PPP1R12B: variants seen among roughly 807,000 people sequenced by gnomAD.
PPP1R12B encodes the protein protein phosphatase 1 regulatory subunit 12B, also known as myosin phosphatase target subunit 2.
A neutral mutation model predicts 126.1 loss-of-function variants in PPP1R12B; 76 were observed. That is an observed-to-expected ratio of 0.60 (90% confidence interval 0.50 to 0.73). The LOEUF is 0.73. Among genes scored for constraint, PPP1R12B ranks in the 30% least tolerant of loss-of-function variants. The pLI is 0.00. For missense variants in PPP1R12B, 1,052 were observed against 1,205.1 expected (o/e 0.87, Z 1.88); for synonymous variants, 356 against 434.7 (o/e 0.82, Z 2.25).
chr1:202,557,265 T>G (rs1687049439), intron 18 of PPP1R12B, among the ~76,000 whole-genome samples: 1 of 152,166 alleles, frequency 6.6e-6, no homozygotes. Flanking sequence ...ATTACAGGTG[T>G]GAGCCACTGT....
At chr1:202,364,188 T>C (rs1002888092) in intron 1 of PPP1R12B, among the ~76,000 whole-genome samples, 2 of 152,158 alleles carry the variant, frequency 1.3e-5, no homozygotes, top group African/African-American at 4.8e-5. Context: ...TTCTTTTCTG[T>C]CTATGGAAAT....
chr1:202,463,946 A>T (rs1296770885), intron 13 of PPP1R12B, among the ~76,000 whole-genome samples: 1 of 152,144 alleles, frequency 6.6e-6, no homozygotes, highest in East Asian at 1.9e-4. Flanking sequence ...AGGTAGAAAG[A>T]TTAGGCCTAT....
chr1:202,437,235 G>A (rs1019374998), intron 9 of PPP1R12B, among the ~76,000 whole-genome samples: 37 of 152,096 alleles, frequency 2.4e-4, no homozygotes, highest in African/African-American at 8.0e-4. Flanking sequence ...GGTGGGCTGA[G>A]GGGGAGGATT....
rs917675049 is a variant in PPP1R12B, at chr1:202,454,847, C to T, written c.1850+5676C>T. On this transcript the variant is annotated intron_variant, in intron 13 of 23. Coordinates refer to ENST00000608999, the MANE Select transcript of PPP1R12B (RefSeq NM_002481.4). ...TGAGATGGGAAGAGCTCTTGAGCCC[C>T]GGAGTTTGAGGCTACCATGAACTAT... is the stretch of plus-strand genomic sequence containing the variant. Among the ~76,000 whole-genome samples, 45 of 152,054 alleles carry T rather than the reference C, an allele frequency of 3.0e-4. 1 individual carries two copies. The highest frequency in any genetic ancestry group is 2.1e-4 in the South Asian group (1 of 4,798).
intron 18 of PPP1R12B, among the ~76,000 whole-genome samples, chr1:202,524,883 T>A (rs1201833651): frequency 6.6e-6 from 1 of 152,276 alleles, no homozygotes; most frequent in East Asian, 1.9e-4. Context: ...TCCAATTTTA[T>A]TTTTTTATTT....
intron 13 of PPP1R12B, among the ~76,000 whole-genome samples, chr1:202,463,801 C>T (rs1207716225): frequency 1.3e-5 from 2 of 152,074 alleles, no homozygotes; most frequent in Non-Finnish European, 2.9e-5. Flanking sequence ...TCCTGCTGAT[C>T]GTTAGTCATT....
intron 18 of PPP1R12B, among the ~76,000 whole-genome samples, chr1:202,498,428 TCCAAGTG>T: frequency 6.6e-6 from 1 of 152,210 alleles, no homozygotes; most frequent in Admixed American, 6.5e-5. Context: ...AGAAATATAT[TCCAAGTG>T]CCAATCTCCA....
At chr1:202,505,354 T>C (rs1258990473) in intron 18 of PPP1R12B, among the ~76,000 whole-genome samples, 1 of 152,200 alleles carries the variant, frequency 6.6e-6, no homozygotes, top group African/African-American at 2.4e-5. Flanking sequence ...TCAGAGATCT[T>C]TACTATTTTT....
intron 13 of PPP1R12B, chr1:202,471,853 C>G: frequency 1.4e-6 from 2 of 1,429,156 alleles, no homozygotes; most frequent in Non-Finnish European, 1.9e-6. Flanking sequence ...CATCTTGACT[C>G]AGAGTGCTTT....
intron 5 of PPP1R12B, 53 bp from the exon 6 acceptor site, chr1:202,428,802 C>A: frequency 6.5e-7 from 1 of 1,528,778 alleles, no homozygotes. Flanking sequence ...AATAAAGTCA[C>A]GTAATTGCTG....
At chr1:202,381,887 A>G (rs750033507) in intron 1 of PPP1R12B, among the ~76,000 whole-genome samples, 1 of 152,158 alleles carries the variant, frequency 6.6e-6, no homozygotes, top group African/African-American at 2.4e-5. Context: ...TAAACCAACA[A>G]TTGTAGAACA....
intron 1 of PPP1R12B, among the ~76,000 whole-genome samples, chr1:202,362,449 C>T (rs989333442): frequency 2.0e-5 from 3 of 152,194 alleles, no homozygotes; most frequent in Non-Finnish European, 2.9e-5. Flanking sequence ...AGTGGTGAGC[C>T]GCATCCATTC....
chr1:202,489,385 A>G (rs1265332267), intron 14 of PPP1R12B, among the ~76,000 whole-genome samples: 4 of 152,254 alleles, frequency 2.6e-5, no homozygotes, highest in Non-Finnish European at 4.4e-5. Context: ...AAATGAAAAC[A>G]TATGTTCATA....
rs548771323 is a variant in PPP1R12B, at chr1:202,382,245, G to A, written c.291+33103G>A. Among the ~76,000 whole-genome samples, 17 of 147,998 alleles carry A rather than the reference G, an allele frequency of 1.1e-4. 1 individual carries two copies. The South Asian group carries it at 2.6e-3, about 23-fold the overall frequency. On this transcript the variant is annotated intron_variant, in intron 1 of 23. Coordinates refer to ENST00000608999, the MANE Select transcript of PPP1R12B (RefSeq NM_002481.4). ...CAATGAGAACACTTGGACACTGGAA[G>A]GGGGACATCACACACTGGGGCCTGT... is the stretch of plus-strand genomic sequence containing the variant.
intron 2 of PPP1R12B, chr1:202,417,245 A>C (rs1571913596): frequency 1.0e-6 from 1 of 985,278 alleles, no homozygotes; most frequent in Non-Finnish European, 1.2e-6. Flanking sequence ...GCAGGCCTGG[A>C]GATGTTTTTC....
chr1:202,358,681 C>CAA (rs200723132), intron 1 of PPP1R12B, among the ~76,000 whole-genome samples: 29 of 109,106 alleles, frequency 2.7e-4, no homozygotes, highest in Admixed American at 2.6e-4. Context: ...GACTCCGTCT[C>CAA]AAAAAAAAAA....
intron 2 of PPP1R12B, among the ~76,000 whole-genome samples, chr1:202,418,210 A>G (rs887704256): frequency 1.3e-5 from 2 of 152,208 alleles, no homozygotes; most frequent in African/African-American, 4.8e-5. Context: ...CAGAATTCTG[A>G]TGCCTAAGAG....
At chr1:202,575,249 G>C in intron 23 of PPP1R12B, 1 of 1,391,102 alleles carries the variant, frequency 7.2e-7, no homozygotes, top group Non-Finnish European at 9.6e-7. Flanking sequence ...GCCTCCATAT[G>C]CAGGTTCCTG....
At chr1:202,518,548 G>A (rs1345834887) in intron 18 of PPP1R12B, among the ~76,000 whole-genome samples, 6 of 152,192 alleles carry the variant, frequency 3.9e-5, no homozygotes, top group Non-Finnish European at 8.8e-5. Flanking sequence ...ACTAAATGAA[G>A]TAGATACACA....
Sources: allele counts gnomAD v4.1 joint callset (sites outside exome capture counted in the v4.1 genomes callset), GRCh38; gene constraint gnomAD v4.1.1; transcripts MANE v1.5; gene names NCBI Gene and HGNC (gene_info 2026-07-23, HGNC 2026-07-21).